The following TRIM46 variants were observed in gnomAD, a reference collection of about 807,000 sequenced individuals.
TRIM46 encodes the protein tripartite motif containing 46.
A neutral mutation model predicts 69.7 loss-of-function variants in TRIM46; 17 were observed. The observed-to-expected ratio is 0.24, with a 90% CI of 0.17 to 0.37. TRIM46 has a LOEUF of 0.37. Ranked by LOEUF, TRIM46 falls within the 10% of genes least tolerant of loss-of-function variation. The pLI is 1.00. For missense variants in TRIM46, 675 were observed against 1,025.1 expected (o/e 0.66, Z 4.66); for synonymous variants, 391 against 429.0 (o/e 0.91, Z 1.09).
chr1:155,174,721 G>A, intron 1 of TRIM46: 3 of 1,451,006 alleles, frequency 2.1e-6, no homozygotes, highest in Non-Finnish European at 1.8e-6. Flanking sequence ...GGTGGGGAGG[G>A]GGCGAGTAGG....
Position 155,181,731 on chromosome 1 carries a change from G to A in TRIM46, c.1589-121G>A. The A allele has an allele frequency of 1.8e-6, 2 of 1,084,012 alleles. No homozygotes were observed. Among genetic ancestry groups the A allele is most frequent in the South Asian group, 1.6e-5 (1 of 64,264 alleles). 67.1% of individuals were successfully genotyped at this position (1,084,012 alleles called of 1,614,324 possible). A position where few individuals can be genotyped will look rare whatever the true frequency, so the allele number is the denominator to read the frequency against. On this transcript the variant is annotated intron_variant, in intron 8 of 9. Coordinates refer to ENST00000334634, the MANE Select transcript of TRIM46 (RefSeq NM_025058.5). This position sits in a 1 kb window ranked among gnomAD's most constrained non-coding sequence, Gnocchi z 4.3. ...CATGTCCTGTTCTCCTGAACCCCCT[G>A]CCTGTTCCTGGTGACTGAACCCCCT...
At position 155,179,864 on chromosome 1, in the gene TRIM46, C is replaced by T. The variant is rs758879181; in HGVS notation, c.1518C>T (p.Val506=). The change falls in exon 8 of 10, where the codon GTC becomes GTT. Residue 506 remains valine (V), a synonymous_variant. Transcript: ENST00000334634. ...CGGGCTCTGTGTATGTGCTGCGTGTCCGCGGCTGCAACAAGGCCGGCTACG... is the reference window on the plus strand; with the variant it reads ...CGGGCTCTGTGTATGTGCTGCGTGTTCGCGGCTGCAACAAGGCCGGCTACG... ...PDTGSVYVLR[V]RGCNKAGYGE... The T allele has an allele frequency of 6.2e-7, 1 of 1,610,232 alleles. No homozygotes were observed. The highest frequency in any genetic ancestry group is 8.5e-7 in the Non-Finnish European group (1 of 1,177,044).
rs1460065413 is a variant in TRIM46, at chr1:155,174,816, G to A, written c.64-570G>A. Reference sequence around the variant, plus strand: ...GCGGGAGAGGGCGGGAGGGCCTGATGGGGGCGAAGGGGAATGGGTTGGTAA... The same window carrying A: ...GCGGGAGAGGGCGGGAGGGCCTGATAGGGGCGAAGGGGAATGGGTTGGTAA... On this transcript the variant is annotated intron_variant, in intron 1 of 9. Transcript: ENST00000334634. 3.8e-5 allele frequency: 54 copies of A among 1,438,642 alleles called. No individual in the cohort carries two copies. In the South Asian group the frequency reaches 6.1e-4, roughly 16 times the overall value. The allele number at this position is 1,438,642 out of a possible 1,614,324, so 89.1% of individuals were successfully genotyped here.
Position 155,175,205 on chromosome 1 carries a change from A to T in TRIM46, c.64-181A>T. ...CTTTAGCTCTGCAGCGGGGAAAGAGAAGCAAGGGACAGAGGTCTGGGAAGG... is the reference window on the plus strand; with the variant it reads ...CTTTAGCTCTGCAGCGGGGAAAGAGTAGCAAGGGACAGAGGTCTGGGAAGG... On this transcript the variant is annotated intron_variant, in intron 1 of 9. Coordinates refer to ENST00000334634, the MANE Select transcript of TRIM46 (RefSeq NM_025058.5). This position sits in a 1 kb window ranked among gnomAD's most constrained non-coding sequence, Gnocchi z 4.2. 1 of 1,468,782 alleles carries T rather than the reference A, an allele frequency of 6.8e-7. No homozygotes were observed. Among genetic ancestry groups the T allele is most frequent in the Middle Eastern group, 2.4e-4 (1 of 4,138 alleles). The allele number at this position is 1,468,782 out of a possible 1,614,324, so 91.0% of individuals were successfully genotyped here.
chr1:155,177,163 G>C (rs958369824), intron 4 of TRIM46, 32 bp from the exon 5 acceptor site: 20 of 1,613,966 alleles, frequency 1.2e-5, no homozygotes, highest in Non-Finnish European at 1.4e-5. Context: ...TGCAGAGCTG[G>C]GCTTGATGCC....
At chr1:155,174,772 C>A in intron 1 of TRIM46, 1 of 1,462,186 alleles carries the variant, frequency 6.8e-7, no homozygotes. Flanking sequence ...GAAGGGGGTG[C>A]CGCTGACCGG....
At position 155,174,991 on chromosome 1, in the gene TRIM46, G is replaced by T. The variant is rs925558010; in HGVS notation, c.64-395G>T. 1.7e-5 allele frequency: 24 copies of T among 1,381,356 alleles called. No homozygotes were observed. In the African/African-American group the frequency reaches 3.1e-4, roughly 18 times the overall value. 85.6% of individuals were successfully genotyped at this position (1,381,356 alleles called of 1,614,324 possible). A position where few individuals can be genotyped will look rare whatever the true frequency, so the allele number is the denominator to read the frequency against. ...ACGGCATGGGGGTGCTGCTAGAGAAGGGAGTGGGGGTCTGCATGGAGCTGC... is the reference window on the plus strand; with the variant it reads ...ACGGCATGGGGGTGCTGCTAGAGAATGGAGTGGGGGTCTGCATGGAGCTGC... On this transcript the variant is annotated intron_variant, in intron 1 of 9. Transcript: ENST00000334634.
intron 9 of TRIM46, 73 bp from the exon 10 acceptor site, chr1:155,183,724 C>T: frequency 6.4e-7 from 1 of 1,564,144 alleles, no homozygotes; most frequent in Non-Finnish European, 8.6e-7. Flanking sequence ...TCCATCCTTC[C>T]AGCGTCTCCC....
At chr1:155,177,444 T>C (rs146475674) in intron 5 of TRIM46, among the ~76,000 whole-genome samples, 154 bp downstream of exon 5, 60 of 152,218 alleles carry the variant, frequency 3.9e-4, no homozygotes, top group Non-Finnish European at 6.5e-4. Flanking sequence ...GGAACACCAG[T>C]GCCCCAGGCC....
chr1:155,179,530 AC>A (rs1010334995), intron 7 of TRIM46, 101 bp from the exon 8 acceptor site: 66 of 1,061,312 alleles, frequency 6.2e-5, no homozygotes, highest in African/African-American at 1.2e-4. Context: ...ACCCACACTC[AC>A]CCCCCCGGCT....
chr1:155,179,897 C>T lies in TRIM46; in HGVS notation c.1551C>T (p.Tyr517=). The T allele has an allele frequency of 6.2e-7, 1 of 1,603,558 alleles. No homozygotes were observed. The stretch of plus-strand genomic sequence containing the variant: ...GCAACAAGGCCGGCTACGGCGAATA[C>T]AGTGAAGATGTGCACCTGCACACGC... ...RGCNKAGYGE[Y]SEDVHLHTPP... The change falls in exon 8 of 10, where the codon TAC becomes TAT. Residue 517 remains tyrosine (Y), a synonymous_variant. Transcript: ENST00000334634.
chr1:155,175,230 G>A lies in TRIM46; in HGVS notation c.64-156G>A. 1.3e-6 allele frequency: 2 copies of A among 1,508,382 alleles called. No individual in the cohort carries two copies. Among genetic ancestry groups the A allele is most frequent in the Non-Finnish European group, 1.8e-6 (2 of 1,139,562 alleles). 93.4% of individuals were successfully genotyped at this position (1,508,382 alleles called of 1,614,324 possible). The stretch of plus-strand genomic sequence containing the variant: ...AAGCAAGGGACAGAGGTCTGGGAAG[G>A]TCTGTGAACCAGCCCAAGGCAGGTG... On this transcript the variant is annotated intron_variant, in intron 1 of 9. Coordinates refer to ENST00000334634, the MANE Select transcript of TRIM46 (RefSeq NM_025058.5). The surrounding 1 kb of genome is among the most constrained non-coding windows in gnomAD (Gnocchi z 4.2).
chr1:155,176,841 A>T (rs1665695066), intron 3 of TRIM46, 91 bp from the exon 4 acceptor site: 2 of 1,505,146 alleles, frequency 1.3e-6, no homozygotes, highest in Admixed American at 1.8e-5. Flanking sequence ...CCATCTTGCC[A>T]GTGGAGGAGG....
Position 155,183,938 on chromosome 1 carries a change from G to A in TRIM46, c.2028G>A (p.Arg676=), listed in dbSNP as rs751799574. The part of the protein sequence containing the change: ...GASSNAGLTG[R]DGPTAGCTVP... ...GCTCAAACGCAGGGCTGACAGGGAG[G>A]GATGGCCCCACAGCCGGCTGCACAG... The change falls in exon 10 of 10, where the codon AGG becomes AGA. Residue 676 remains arginine, a synonymous_variant. Coordinates refer to ENST00000334634, the MANE Select transcript of TRIM46 (RefSeq NM_025058.5). 1.2e-6 allele frequency: 2 copies of A among 1,613,940 alleles called. No homozygotes were observed. The highest frequency in any genetic ancestry group is 3.3e-5 in the Admixed American group (2 of 60,020).
intron 9 of TRIM46, among the ~76,000 whole-genome samples, chr1:155,183,546 T>C (rs910242838): frequency 2.0e-5 from 3 of 152,158 alleles, no homozygotes; most frequent in African/African-American, 7.2e-5. Context: ...GCTATACCAA[T>C]GCCATGTCTT....
chr1:155,179,890 G>A lies in TRIM46; in HGVS notation c.1544G>A (p.Gly515Asp). ...CGCGGCTGCAACAAGGCCGGCTACG[G>A]CGAATACAGTGAAGATGTGCACCTG... ...RVRGCNKAGY[G>D]EYSEDVHLHT... The change falls in exon 8 of 10, where the codon GGC becomes GAC. Residue 515 changes from glycine (G) to aspartate (D), a missense_variant. By Grantham distance (94) the Gly-to-Asp change is moderately conservative. Coordinates refer to ENST00000334634, the MANE Select transcript of TRIM46 (RefSeq NM_025058.5). 6.2e-7 allele frequency: 1 copy of A among 1,606,982 alleles called. No individual in the cohort carries two copies.
rs983183195 is a variant in TRIM46, at chr1:155,181,418, G to A, written c.1589-434G>A. 6.6e-6 allele frequency among the ~76,000 whole-genome samples: 1 copy of A among 152,196 alleles called. No homozygotes were observed. The highest frequency in any genetic ancestry group is 6.5e-5 in the Admixed American group (1 of 15,286). On this transcript the variant is annotated intron_variant, in intron 8 of 9. Transcript: ENST00000334634. The surrounding 1 kb of genome is among the most constrained non-coding windows in gnomAD (Gnocchi z 4.3). ...GGACTCCAGGGGGTGGGCATAAGAG[G>A]GAAGCCTTGCCACCCAAATAGGGGC...
chr1:155,183,727 C>A, intron 9 of TRIM46, 70 bp from the exon 10 acceptor site: 1 of 1,564,908 alleles, frequency 6.4e-7, no homozygotes, highest in East Asian at 2.2e-5. Context: ...ATCCTTCCAG[C>A]GTCTCCCTCT....
intron 7 of TRIM46, among the ~76,000 whole-genome samples, chr1:155,179,022 G>A (rs569052904): frequency 3.9e-5 from 6 of 152,272 alleles, no homozygotes; most frequent in Middle Eastern, 3.4e-3. Context: ...TTCTTCAGGC[G>A]CTTGCGTAAT....
Sources: allele counts gnomAD v4.1 joint callset (sites outside exome capture counted in the v4.1 genomes callset), GRCh38; gene constraint gnomAD v4.1.1; non-coding constraint Gnocchi (gnomAD v3.1); transcripts MANE v1.5; gene names NCBI Gene and HGNC (gene_info 2026-07-23, HGNC 2026-07-21).